Variants in LSAMP observed in about 807,000 individuals in gnomAD.
LSAMP encodes the protein limbic system-associated membrane protein.
In LSAMP, 7 loss-of-function variants were observed where a neutral mutation model predicts 38.6. The observed-to-expected ratio is 0.18, with a 90% CI of 0.10 to 0.34. The LOEUF is 0.34. Ranked by LOEUF, LSAMP falls within the 10% of genes least tolerant of loss-of-function variation. The pLI, the probability that LSAMP is intolerant of heterozygous loss-of-function variation, is 1.00. For missense variants in LSAMP, 313 were observed against 420.0 expected, an observed-to-expected ratio of 0.75 and a Z score of 2.23; for synonymous variants, 154 against 166.8, an observed-to-expected ratio of 0.92 and a Z score of 0.59.
intron 3 of LSAMP, among the ~76,000 whole-genome samples, chr3:115,938,226 A>G (rs532648507): frequency 1.1e-3 from 166 of 152,334 alleles, no homozygotes; most frequent in African/African-American, 3.7e-3. Flanking sequence ...AAAATGACCC[A>G]GAACTCTACT....
intron 1 of LSAMP, among the ~76,000 whole-genome samples, chr3:116,349,619 C>A (rs1316220254): frequency 4.0e-5 from 6 of 151,816 alleles, no homozygotes; most frequent in East Asian, 1.9e-4. Context: ...AAAACAGACA[C>A]AAATATTGAC....
chr3:116,343,831 A>G (rs992885825), intron 1 of LSAMP, among the ~76,000 whole-genome samples: 3 of 152,112 alleles, frequency 2.0e-5, no homozygotes, highest in African/African-American at 7.2e-5. Flanking sequence ...CTTCATTTCA[A>G]CTATGTCCAG....
chr3:116,034,171 G>A (rs535368984), intron 2 of LSAMP, among the ~76,000 whole-genome samples: 4 of 152,100 alleles, frequency 2.6e-5, no homozygotes, highest in Non-Finnish European at 4.4e-5. Context: ...GGCACAGTCA[G>A]TTAAGGTACC....
intron 1 of LSAMP, among the ~76,000 whole-genome samples, chr3:116,103,338 A>G (rs1402719853): frequency 6.6e-6 from 1 of 151,892 alleles, no homozygotes; most frequent in Non-Finnish European, 1.5e-5. Context: ...ATAGTGTCAC[A>G]TGATTATAGT....
chr3:116,349,501 ACT>A (rs896330209), intron 1 of LSAMP, among the ~76,000 whole-genome samples: 92 of 141,910 alleles, frequency 6.5e-4, no homozygotes, highest in East Asian at 1.2e-3. Context: ...ACACACACAC[ACT>A]CTCTCTCTCT....
At chr3:116,386,667 C>G (rs548667789) in intron 1 of LSAMP, among the ~76,000 whole-genome samples, 33 of 152,206 alleles carry the variant, frequency 2.2e-4, no homozygotes, top group Non-Finnish European at 2.9e-5. Flanking sequence ...GAGATGGTAT[C>G]TTGCTATGCT....
At chr3:115,939,530 C>CCCTTTCTTTCTTTCTTTCTTTCTTTCTT (rs1553751052) in intron 3 of LSAMP, among the ~76,000 whole-genome samples, 2 of 99,620 alleles carry the variant, frequency 2.0e-5, no homozygotes. Context: ...TGTTCTCTTT[C>CCCTTTCTTTCTTTCTTTCTTTCTTTCTT]TCTTTCTTTC....
intron 3 of LSAMP, among the ~76,000 whole-genome samples, chr3:115,936,591 A>G (rs1194289292): frequency 6.6e-6 from 1 of 152,116 alleles, no homozygotes; most frequent in African/African-American, 2.4e-5. Flanking sequence ...ACTATTCCTG[A>G]GTTAAGGAGG....
chr3:116,388,799 A>T (rs1051360351), intron 1 of LSAMP, among the ~76,000 whole-genome samples: 2 of 152,194 alleles, frequency 1.3e-5, no homozygotes, highest in African/African-American at 4.8e-5. Context: ...CATTGGGATC[A>T]CAGTTCTGAA....
intron 3 of LSAMP, among the ~76,000 whole-genome samples, chr3:115,995,527 A>G (rs1283302590): frequency 6.6e-6 from 1 of 152,090 alleles, no homozygotes; most frequent in Non-Finnish European, 1.5e-5. Flanking sequence ...GATTGAATTT[A>G]TGTTTTTGTT....
At chr3:115,908,624 C>T (rs1036466290) in intron 3 of LSAMP, among the ~76,000 whole-genome samples, 1 of 152,090 alleles carries the variant, frequency 6.6e-6, no homozygotes, top group Non-Finnish European at 1.5e-5. Context: ...GAACTTATTC[C>T]TACTGTTATC....
At chr3:116,107,936 G>C (rs1295271995) in intron 1 of LSAMP, among the ~76,000 whole-genome samples, 2 of 152,176 alleles carry the variant, frequency 1.3e-5, no homozygotes, top group Admixed American at 6.5e-5. Flanking sequence ...TGTATGGCTT[G>C]TCTGGTTTTA....
Position 116,021,052 on chromosome 3 carries a change from C to T in LSAMP, c.389-1412G>A, listed in dbSNP as rs142370145. 4.9e-4 allele frequency among the ~76,000 whole-genome samples: 75 copies of T among 152,168 alleles called. 2 individuals carry two copies. In the East Asian group the frequency reaches 0.013, roughly 26 times the overall value. ...GGCAACTGACTGGTTCAGAGTGTCA[C>T]AAGGAGGAAGCAGGATGAGGACCCT... On this transcript the variant is annotated intron_variant, in intron 2 of 6. Transcript: ENST00000490035.
In LSAMP at chr3:115,889,265, T is replaced by C. The variant is rs1310143719; in HGVS notation, c.515-36648A>G. Among the ~76,000 whole-genome samples, 4 of 152,098 alleles carry C rather than the reference T, an allele frequency of 2.6e-5. 1 individual carries two copies. The South Asian group carries it at 6.2e-4, about 24-fold the overall frequency. On this transcript the variant is annotated intron_variant, in intron 3 of 6. Coordinates refer to ENST00000490035, the MANE Select transcript of LSAMP (RefSeq NM_002338.5). ...AATACTACTCTTTTGAAATTAAGTATAAAACTTGAAGTGGAATATCTGTAA... is the reference window on the plus strand; with the variant it reads ...AATACTACTCTTTTGAAATTAAGTACAAAACTTGAAGTGGAATATCTGTAA...
chr3:115,815,829 C>T (rs1325636673), intron 6 of LSAMP, among the ~76,000 whole-genome samples: 3 of 152,144 alleles, frequency 2.0e-5, no homozygotes, highest in African/African-American at 7.2e-5. Flanking sequence ...ATATTCATGG[C>T]TGCCTCTTCC....
Position 116,296,053 on chromosome 3 carries a change from C to T in LSAMP, c.155+148824G>A, listed in dbSNP as rs149331582. Among the ~76,000 whole-genome samples the T allele has an allele frequency of 1.1e-3, 164 of 152,302 alleles. 1 individual carries two copies. The highest frequency in any genetic ancestry group is 3.7e-3 in the African/African-American group (153 of 41,564). The stretch of plus-strand genomic sequence containing the variant: ...AGCTGAAACACTGTGAATATGAATA[C>T]GGTCACCATAACCAATTCATAGATG... On this transcript the variant is annotated intron_variant, in intron 1 of 6. Coordinates refer to ENST00000490035, the MANE Select transcript of LSAMP (RefSeq NM_002338.5).
intron 1 of LSAMP, among the ~76,000 whole-genome samples, chr3:116,387,354 C>A (rs1187228807): frequency 6.6e-6 from 1 of 152,034 alleles, no homozygotes; most frequent in African/African-American, 2.4e-5. Context: ...ACAATTAGAA[C>A]AATTTAGATA....
intron 1 of LSAMP, among the ~76,000 whole-genome samples, chr3:116,301,713 A>T (rs1027635973): frequency 7.9e-5 from 12 of 152,192 alleles, no homozygotes; most frequent in Non-Finnish European, 1.6e-4. Context: ...AACCATGGGA[A>T]ATTAAGGCTT....
At chr3:115,832,575 G>A (rs887899898) in intron 6 of LSAMP, among the ~76,000 whole-genome samples, 1 of 152,052 alleles carries the variant, frequency 6.6e-6, no homozygotes, top group African/African-American at 2.4e-5. Flanking sequence ...GGTTAACCTC[G>A]ATTGGAAAGA....
Sources: allele counts gnomAD v4.1 joint callset (sites outside exome capture counted in the v4.1 genomes callset), GRCh38; gene constraint gnomAD v4.1.1; transcripts MANE v1.5; gene names NCBI Gene and HGNC (gene_info 2026-07-23, HGNC 2026-07-21).